SYNPO2: variants seen among roughly 807,000 people sequenced by gnomAD.
SYNPO2 encodes the protein synaptopodin-2.
Under a neutral mutation model 85.0 loss-of-function variants are expected in SYNPO2, and 56 were observed. That is an observed-to-expected ratio of 0.66 (90% CI 0.53 to 0.82). The LOEUF (loss-of-function observed/expected upper bound fraction) is 0.82, where lower values mean the gene tolerates loss of function less well. SYNPO2 is among the 40% of genes least tolerant of loss of function. The probability of loss-of-function intolerance (pLI) is 0.00; values close to 1 mark genes in which losing one functional copy is unlikely to be tolerated. For missense variants in SYNPO2, 1,575 were observed against 1,534.2 expected (o/e 1.03, Z -0.44); for synonymous variants, 602 against 591.1 (o/e 1.02, Z -0.27).
At chr4:118,876,856 T>C (rs1731936175) in intron 1 of SYNPO2, among the ~76,000 whole-genome samples, 1 of 151,656 alleles carries the variant, frequency 6.6e-6, no homozygotes, top group African/African-American at 2.4e-5. Context: ...AGTGGCATAA[T>C]CATGATTCAC....
chr4:118,895,467 T>C (rs1732521461), intron 1 of SYNPO2, among the ~76,000 whole-genome samples: 1 of 152,192 alleles, frequency 6.6e-6, no homozygotes, highest in South Asian at 2.1e-4. Flanking sequence ...GAGGCTGGTG[T>C]CCAAATTCTG....
At chr4:118,869,061 AATTATT>A (rs559947310) in intron 1 of SYNPO2, among the ~76,000 whole-genome samples, 90 of 152,132 alleles carry the variant, frequency 5.9e-4, no homozygotes, top group African/African-American at 2.0e-3. Context: ...GCAAAAAGAA[AATTATT>A]ATTATTATTA....
At chr4:118,980,397 C>T (rs572820520) in intron 1 of SYNPO2, among the ~76,000 whole-genome samples, 10 of 152,244 alleles carry the variant, frequency 6.6e-5, no homozygotes, top group Admixed American at 2.6e-4. Context: ...TATCCACACT[C>T]CTAGAACTGT....
intron 4 of SYNPO2, among the ~76,000 whole-genome samples, chr4:119,052,611 TGGAAGTAGAGTGAAGAA>T (rs374382626): frequency 1.3e-5 from 2 of 152,150 alleles, no homozygotes; most frequent in African/African-American, 4.8e-5. Flanking sequence ...AGAGAAGAAG[TGGAAGTAGAGTGAAGAA>T]GTCAACCACA....
intron 1 of SYNPO2, among the ~76,000 whole-genome samples, chr4:118,901,794 G>C (rs974611951): frequency 1.3e-5 from 2 of 152,194 alleles, no homozygotes; most frequent in African/African-American, 4.8e-5. Context: ...AAGCACTGTG[G>C]GAAGTACATA....
chr4:119,026,734 C>G lies in SYNPO2; in HGVS notation c.365C>G (p.Pro122Arg). Residue 122 changes from proline to arginine, a missense_variant, in exon 3 of 5, where the codon CCG becomes CGG. Transcript: ENST00000307142. ...GAAAGTACCACCCTGCAGATTCGAC[C>G]GGCCACAAAGACCCAGTGCACAGAA... is the stretch of plus-strand genomic sequence containing the variant. ...YVESTTLQIR[P>R]ATKTQCTEFF... is the part of the protein sequence containing the mutation. 1.2e-6 allele frequency: 2 copies of G among 1,614,128 alleles called. No homozygotes were observed. The highest frequency in any genetic ancestry group is 1.3e-5 in the African/African-American group (1 of 75,014).
At chr4:118,854,851 T>C (rs1376960955) in intron 1 of SYNPO2, among the ~76,000 whole-genome samples, 1 of 152,140 alleles carries the variant, frequency 6.6e-6, no homozygotes, top group East Asian at 1.9e-4. Flanking sequence ...ACACCTAATT[T>C]TGAAATAAAA....
At chr4:118,981,677 G>C (rs983808618) in intron 1 of SYNPO2, among the ~76,000 whole-genome samples, 5 of 152,286 alleles carry the variant, frequency 3.3e-5, no homozygotes, top group Non-Finnish European at 5.9e-5. Context: ...TCAACTCATA[G>C]CCCACCCTAG....
At chr4:119,049,427 T>C (rs138346967) in intron 4 of SYNPO2, among the ~76,000 whole-genome samples, 1 of 152,260 alleles carries the variant, frequency 6.6e-6, no homozygotes, top group Non-Finnish European at 1.5e-5. Flanking sequence ...ATCATATTTA[T>C]CAGTTGACGC....
At chr4:118,916,656 T>G (rs2149126455) in intron 1 of SYNPO2, among the ~76,000 whole-genome samples, 1 of 151,808 alleles carries the variant, frequency 6.6e-6, no homozygotes, top group East Asian at 1.9e-4. Flanking sequence ...TTCTTAGATA[T>G]AATGCTGTTT....
chr4:119,056,083 G>T (rs1739195996), intron 4 of SYNPO2, among the ~76,000 whole-genome samples: 1 of 152,196 alleles, frequency 6.6e-6, no homozygotes, highest in African/African-American at 2.4e-5. Flanking sequence ...TACTTTCAAA[G>T]TTGATACTCC....
At position 119,030,851 on chromosome 4, in the gene SYNPO2, G is replaced by T; in HGVS notation, c.2076G>T (p.Thr692=). The change falls in exon 4 of 5, where the codon ACG becomes ACT. Residue 692 remains threonine (T), a synonymous_variant. Transcript: ENST00000307142. ...TGCAGGAGGCCAAAAGGAGAAGCACGACAAAACCCATGTTTACTTTTAAAG... is the reference window on the plus strand; with the variant it reads ...TGCAGGAGGCCAAAAGGAGAAGCACTACAAAACCCATGTTTACTTTTAAAG... ...GILQEAKRRS[T]TKPMFTFKEP... is the part of the protein sequence containing the mutation. The T allele has an allele frequency of 6.2e-7, 1 of 1,614,106 alleles. No individual in the cohort carries two copies. The highest frequency in any genetic ancestry group is 1.1e-5 in the South Asian group (1 of 91,060).
chr4:118,929,401 T>C (rs1186907706), intron 1 of SYNPO2, among the ~76,000 whole-genome samples: 1 of 152,126 alleles, frequency 6.6e-6, no homozygotes, highest in East Asian at 1.9e-4. Flanking sequence ...ATTCTGAGTA[T>C]CCTATAAGAA....
At chr4:118,904,679 C>CT (rs2149120823) in intron 1 of SYNPO2, among the ~76,000 whole-genome samples, 1 of 152,050 alleles carries the variant, frequency 6.6e-6, no homozygotes, top group East Asian at 1.9e-4. Flanking sequence ...GACCTTATTA[C>CT]TATATAAGGC....
At chr4:118,932,068 A>T (rs1231019488) in intron 1 of SYNPO2, among the ~76,000 whole-genome samples, 3 of 152,144 alleles carry the variant, frequency 2.0e-5, no homozygotes, top group African/African-American at 7.2e-5. Flanking sequence ...AAGCCATTGG[A>T]TTTTGTGGTC....
chr4:119,025,779 C>T (rs541383731), intron 2 of SYNPO2, among the ~76,000 whole-genome samples: 109 of 152,298 alleles, frequency 7.2e-4, no homozygotes, highest in Non-Finnish European at 1.4e-3. Context: ...AAAACATTTA[C>T]AGTTTAAATT....
At position 119,001,768 on chromosome 4, in the gene SYNPO2, TTTC is replaced by T. The variant is rs539972377; in HGVS notation, c.106-21656_106-21654del. ...CATATTCTTTTTACCTTTGTCTAGT[TTTC>T]TTCTTATTTCTAAAATATACATCTG... On this transcript the variant is annotated intron_variant, in intron 1 of 4. Transcript: ENST00000307142. Among the ~76,000 whole-genome samples the T allele has an allele frequency of 1.1e-4, 16 of 152,304 alleles. No homozygotes were observed. In the South Asian group the frequency reaches 1.7e-3, roughly 16 times the overall value.
intron 1 of SYNPO2, among the ~76,000 whole-genome samples, chr4:118,987,747 A>C (rs1002318484): frequency 6.6e-6 from 1 of 151,770 alleles, no homozygotes; most frequent in African/African-American, 2.4e-5. Context: ...TTGTATTGCT[A>C]TTTAAGTATA....
chr4:119,026,859 T>C lies in SYNPO2; in HGVS notation c.490T>C (p.Tyr164His), dbSNP rs927085064. The change falls in exon 3 of 5, where the codon TAC becomes CAC. Residue 164 changes from tyrosine to histidine, a missense_variant. Around this residue, in one of 3 missense-constraint regions of SYNPO2, gnomAD observed 1,508 missense variants for 1,446.8 expected, o/e 1.04. Coordinates refer to ENST00000307142, the MANE Select transcript of SYNPO2 (RefSeq NM_133477.3). ...CTTGAAAGAAGAAACAGGCCCGAGC[T>C]ACCAAAGGGCTCCCCAAATGCCTGA... The part of the protein sequence containing the change: ...GSLKEETGPS[Y>H]QRAPQMPDSQ... The C allele has an allele frequency of 1.9e-6, 3 of 1,613,980 alleles. No individual in the cohort carries two copies. The highest frequency in any genetic ancestry group is 2.2e-5 in the East Asian group (1 of 44,856).
Sources: gnomAD v4.1 joint callset for allele counts (sites outside exome capture counted in the v4.1 genomes callset) on GRCh38, gnomAD v4.1.1 for gene constraint, gnomAD v4.1.1 regional missense constraint, MANE v1.5 for transcripts, NCBI Gene and HGNC (gene_info 2026-07-23, HGNC 2026-07-21) for gene names.